FHIT: variants seen among roughly 807,000 people sequenced by gnomAD.
FHIT encodes fragile histidine triad diadenosine triphosphatase, also known as bis(5'-adenosyl)-triphosphatase.
Under a neutral mutation model 17.9 loss-of-function variants are expected in FHIT, and 19 were observed. The ratio of observed to expected loss-of-function variants is 1.06; its 90% CI spans 0.74 to 1.56. The LOEUF (loss-of-function observed/expected upper bound fraction) is 1.56. Ranked by LOEUF, FHIT falls within the 40% of genes most tolerant of loss-of-function variation. The pLI, the probability that FHIT is intolerant of heterozygous loss-of-function variation, is 0.00. For synonymous variants in FHIT, 81 were observed against 69.7 expected, an observed-to-expected ratio of 1.16 and a Z score of -0.81; for missense variants, 248 against 189.2, an observed-to-expected ratio of 1.31 and a Z score of -1.82.
intron 5 of FHIT, among the ~76,000 whole-genome samples, chr3:60,162,047 G>A (rs951013762): frequency 6.6e-6 from 1 of 152,162 alleles, no homozygotes; most frequent in African/African-American, 2.4e-5. Context: ...CAGGAGAAAT[G>A]TATGGGGAAA....
chr3:59,931,664 T>A (rs1705976546), intron 7 of FHIT, among the ~76,000 whole-genome samples: 1 of 151,348 alleles, frequency 6.6e-6, no homozygotes, highest in Non-Finnish European at 1.5e-5. Context: ...AAAAATAAAA[T>A]AAAAAAAAAT....
chr3:60,693,794 T>A (rs1012849153), intron 4 of FHIT, among the ~76,000 whole-genome samples: 1 of 152,310 alleles, frequency 6.6e-6, no homozygotes, highest in Non-Finnish European at 1.5e-5. Context: ...GTACTAGATA[T>A]TACAACATCA....
chr3:61,199,113 C>T (rs2038940936), intron 2 of FHIT, among the ~76,000 whole-genome samples: 2 of 152,184 alleles, frequency 1.3e-5, no homozygotes, highest in South Asian at 4.1e-4. Flanking sequence ...AATAAGTTGT[C>T]CGCAGTCCAA....
At chr3:60,375,219 T>C (rs1700502915) in intron 5 of FHIT, among the ~76,000 whole-genome samples, 3 of 152,084 alleles carry the variant, frequency 2.0e-5, no homozygotes, top group Non-Finnish European at 4.4e-5. Flanking sequence ...AACATCTTAA[T>C]GTAACATCCT....
chr3:59,939,978 G>T (rs1405710598), intron 7 of FHIT, among the ~76,000 whole-genome samples: 2 of 152,122 alleles, frequency 1.3e-5, no homozygotes, highest in Non-Finnish European at 2.9e-5. Flanking sequence ...GACATGGAAG[G>T]TTCAGGTCCT....
intron 5 of FHIT, among the ~76,000 whole-genome samples, chr3:60,064,456 T>G (rs1702417013): frequency 6.6e-6 from 1 of 152,128 alleles, no homozygotes; most frequent in Non-Finnish European, 1.5e-5. Flanking sequence ...CAGAGAAGAC[T>G]CTGTTTCCAT....
intron 3 of FHIT, among the ~76,000 whole-genome samples, chr3:60,838,429 G>A (rs13060497): frequency 0.031 from 4,686 of 152,194 alleles, 140 homozygotes; most frequent in Non-Finnish European, 0.047. Flanking sequence ...TCGAGATCGC[G>A]CCACCGCACT....
chr3:60,040,157 A>ATTTTT (rs35207762), intron 5 of FHIT, among the ~76,000 whole-genome samples: 3 of 151,514 alleles, frequency 2.0e-5, no homozygotes, highest in Non-Finnish European at 4.4e-5. Context: ...TTATTTATTT[A>ATTTTT]TTTTTTTGAG....
At chr3:60,048,120 A>G (rs1021139246) in intron 5 of FHIT, among the ~76,000 whole-genome samples, 2 of 152,088 alleles carry the variant, frequency 1.3e-5, no homozygotes, top group Non-Finnish European at 2.9e-5. Context: ...ACGTATAAGA[A>G]CATCAGCCAG....
At position 61,249,971 on chromosome 3, in the gene FHIT, CACACACACACACACACACAA is replaced by C. The variant is rs1454313787; in HGVS notation, c.-213+1310_-213+1329del. The stretch of plus-strand genomic sequence containing the variant: ...ACACACACACACACACACACACACA[CACACACACACACACACACAA>C]ACCCTAGACTTCTTTCTTTACTAAA... On this transcript the variant is annotated intron_variant, in intron 1 of 9. Coordinates refer to ENST00000492590, the MANE Select transcript of FHIT (RefSeq NM_002012.4). Among the ~76,000 whole-genome samples the C allele has an allele frequency of 8.0e-3, 1,167 of 146,218 alleles. 21 individuals carry two copies. The highest frequency in any genetic ancestry group is 0.028 in the African/African-American group (1,119 of 40,140).
chr3:60,576,377 G>A (rs781961189), intron 4 of FHIT, among the ~76,000 whole-genome samples: 1 of 151,938 alleles, frequency 6.6e-6, no homozygotes. Context: ...AAACACCAAG[G>A]GTATGGTGTC....
intron 4 of FHIT, among the ~76,000 whole-genome samples, chr3:60,564,191 G>T (rs375630529): frequency 6.6e-6 from 1 of 152,098 alleles, no homozygotes; most frequent in Non-Finnish European, 1.5e-5. Flanking sequence ...CAACAAAGCC[G>T]GGATGACAGC....
At chr3:59,975,375 G>C (rs1708363967) in intron 7 of FHIT, among the ~76,000 whole-genome samples, 1 of 151,968 alleles carries the variant, frequency 6.6e-6, no homozygotes. Flanking sequence ...ATGATAAAAA[G>C]GACACTACAT....
chr3:60,246,805 G>A (rs527308607), intron 5 of FHIT, among the ~76,000 whole-genome samples: 34 of 152,122 alleles, frequency 2.2e-4, no homozygotes, highest in Non-Finnish European at 4.0e-4. Context: ...CCTCTCTGCT[G>A]CAGTTGAAGC....
chr3:59,768,708 T>G (rs1016760862), intron 8 of FHIT, among the ~76,000 whole-genome samples: 1 of 152,210 alleles, frequency 6.6e-6, no homozygotes, highest in African/African-American at 2.4e-5. Flanking sequence ...ACTAAATACT[T>G]CTTGCCCAGA....
chr3:60,124,519 C>T (rs145688296), intron 5 of FHIT, among the ~76,000 whole-genome samples: 199 of 152,262 alleles, frequency 1.3e-3, no homozygotes, highest in African/African-American at 4.4e-3. Context: ...ATCCTGCATC[C>T]TGCCTGCAAA....
chr3:60,306,172 A>C (rs1708662164), intron 5 of FHIT, among the ~76,000 whole-genome samples: 1 of 152,196 alleles, frequency 6.6e-6, no homozygotes, highest in Non-Finnish European at 1.5e-5. Context: ...GGAGAATTTT[A>C]TTAACTCCAG....
At chr3:59,964,962 C>A (rs1365170454) in intron 7 of FHIT, among the ~76,000 whole-genome samples, 1 of 152,020 alleles carries the variant, frequency 6.6e-6, no homozygotes, top group African/African-American at 2.4e-5. Flanking sequence ...ATCATATTAA[C>A]ATTAGGAGAA....
chr3:61,026,914 C>T (rs1180660905), intron 3 of FHIT, among the ~76,000 whole-genome samples: 1 of 152,188 alleles, frequency 6.6e-6, no homozygotes, highest in Non-Finnish European at 1.5e-5. Context: ...CCTACTGGAG[C>T]TGCCTCCCTG....
Sources: gnomAD v4.1 joint callset for allele counts (sites outside exome capture counted in the v4.1 genomes callset) on GRCh38, gnomAD v4.1.1 for gene constraint, MANE v1.5 for transcripts, NCBI Gene and HGNC (gene_info 2026-07-23, HGNC 2026-07-21) for gene names.